Variants in SHROOM4 observed in about 807,000 individuals in gnomAD.
SHROOM4 encodes shroom family member 4, also known as protein Shroom4.
A neutral mutation model predicts 80.3 loss-of-function variants in SHROOM4; 17 were observed. The ratio of observed to expected loss-of-function variants is 0.21; its 90% confidence interval spans 0.14 to 0.32. SHROOM4 has a LOEUF of 0.32. Ranked by LOEUF, SHROOM4 falls within the 10% of genes least tolerant of loss-of-function variation. The pLI is 1.00. For missense variants in SHROOM4, 993 were observed against 1,140.3 expected (o/e 0.87, Z 1.86); for synonymous variants, 400 against 437.5 (o/e 0.91, Z 1.07).
chrX:50,628,367 T>C (rs188240553), intron 4 of SHROOM4, among the ~76,000 whole-genome samples: 5 of 111,575 alleles, frequency 4.5e-5, no homozygotes, highest in African/African-American at 1.6e-4. Flanking sequence ...TCTTTTTTTT[T>C]TCTAGGCCAA....
the SHROOM4 span, among the ~76,000 whole-genome samples, chrX:50,578,665 C>T: frequency 5.4e-5 from 6 of 111,448 alleles, no homozygotes; most frequent in Admixed American, 1.9e-4. Flanking sequence ...GTATTGAACC[C>T]CTGACCTCAA....
chrX:50,783,363 G>A (rs1401337703), intron 1 of SHROOM4, among the ~76,000 whole-genome samples: 1 of 111,461 alleles, frequency 9.0e-6, no homozygotes, highest in Non-Finnish European at 1.9e-5. Context: ...GATAAATTTG[G>A]CAAAAGATGT....
intron 1 of SHROOM4, among the ~76,000 whole-genome samples, chrX:50,773,354 C>T (rs1935437287): frequency 8.9e-6 from 1 of 111,897 alleles, no homozygotes; most frequent in Non-Finnish European, 1.9e-5. Flanking sequence ...TAGAATTCTC[C>T]ACTGTTCCCT....
intron 1 of SHROOM4, among the ~76,000 whole-genome samples, chrX:50,799,060 G>GATA (rs1557272361): frequency 1.8e-5 from 2 of 112,029 alleles, no homozygotes; most frequent in African/African-American, 6.5e-5. Flanking sequence ...CTGTCCCTTT[G>GATA]ATAACAACAG....
chrX:50,605,648 A>G (rs1557248377), intron 6 of SHROOM4, among the ~76,000 whole-genome samples: 2 of 112,336 alleles, frequency 1.8e-5, no homozygotes, highest in Non-Finnish European at 1.9e-5. Flanking sequence ...CTCCTGGCCT[A>G]TGGAAAGAAC....
At chrX:50,637,797 C>G (rs1325842926) in intron 3 of SHROOM4, among the ~76,000 whole-genome samples, 1 of 112,090 alleles carries the variant, frequency 8.9e-6, no homozygotes, top group African/African-American at 3.2e-5. Context: ...ACCAGTGAGT[C>G]GCCATTGACA....
chrX:50,759,306 T>C (rs1935100769), intron 1 of SHROOM4, among the ~76,000 whole-genome samples: 2 of 111,873 alleles, frequency 1.8e-5, no homozygotes, highest in Non-Finnish European at 1.9e-5. Context: ...GGTGAAAACA[T>C]ATTGAAAAGG....
At chrX:50,618,757 A>G (rs2147260731) in intron 5 of SHROOM4, among the ~76,000 whole-genome samples, 1 of 111,700 alleles carries the variant, frequency 9.0e-6, no homozygotes, top group African/African-American at 3.3e-5. Context: ...ATTAATCTTC[A>G]CAACAACCAT....
chrX:50,646,253 T>C (rs1931830357), intron 2 of SHROOM4, among the ~76,000 whole-genome samples: 1 of 111,609 alleles, frequency 9.0e-6, no homozygotes, highest in African/African-American at 3.3e-5. Context: ...CTGTGGCTCT[T>C]CCAGCCTCCC....
downstream of SHROOM4, among the ~76,000 whole-genome samples, chrX:50,586,250 AGTT>A (rs1377610490): frequency 1.8e-5 from 2 of 111,715 alleles, no homozygotes; most frequent in African/African-American, 6.5e-5. Flanking sequence ...TCAGGGAACA[AGTT>A]GTTATTTTTT....
chrX:50,777,822 G>A (rs1472851798), intron 1 of SHROOM4, among the ~76,000 whole-genome samples: 2 of 112,269 alleles, frequency 1.8e-5, no homozygotes, highest in Non-Finnish European at 3.8e-5. Context: ...TGTAAAATGG[G>A]TGTGAAAGTA....
At chrX:50,645,126 G>A (rs115400536) in intron 2 of SHROOM4, among the ~76,000 whole-genome samples, 3,006 of 111,316 alleles carry the variant, frequency 0.027, 102 homozygotes, top group African/African-American at 0.094. Context: ...TAATTACCTG[G>A]GGATCTTGTT....
chrX:50,700,674 G>T (rs1437060900), intron 1 of SHROOM4, among the ~76,000 whole-genome samples: 1 of 111,414 alleles, frequency 9.0e-6, no homozygotes, highest in East Asian at 2.8e-4. Context: ...TACCTAACTT[G>T]TCTCTTTCAG....
intron 1 of SHROOM4, among the ~76,000 whole-genome samples, chrX:50,809,590 T>C (rs1413303755): frequency 8.9e-6 from 1 of 112,163 alleles, no homozygotes; most frequent in Non-Finnish European, 1.9e-5. Context: ...TAAAATTATA[T>C]AGCAATATCA....
At chrX:50,620,389 A>G (rs531782425) in intron 5 of SHROOM4, among the ~76,000 whole-genome samples, 1 of 112,185 alleles carries the variant, frequency 8.9e-6, no homozygotes, top group African/African-American at 3.2e-5. Flanking sequence ...TTTTGTTCCA[A>G]GATGATGATA....
intron 2 of SHROOM4, among the ~76,000 whole-genome samples, chrX:50,670,938 C>T (rs7472398): frequency 2.7e-5 from 3 of 111,676 alleles, no homozygotes; most frequent in Non-Finnish European, 5.6e-5. Context: ...ATATCTTTCG[C>T]CCACTTTTTG....
intron 1 of SHROOM4, among the ~76,000 whole-genome samples, chrX:50,809,079 G>C (rs1936282502): frequency 9.0e-6 from 1 of 111,221 alleles, no homozygotes; most frequent in African/African-American, 3.3e-5. Flanking sequence ...CAGCAGGTGG[G>C]AAACTGAGGT....
At chrX:50,812,614 C>G (rs373593964) in intron 1 of SHROOM4, among the ~76,000 whole-genome samples, 1 of 111,166 alleles carries the variant, frequency 9.0e-6, no homozygotes, top group Admixed American at 9.5e-5. Context: ...GCCCCAAGGC[C>G]TGAAGGATCC....
chrX:50,751,040 T>A (rs1210214409), intron 1 of SHROOM4, among the ~76,000 whole-genome samples: 1 of 112,523 alleles, frequency 8.9e-6, no homozygotes, highest in Non-Finnish European at 1.9e-5. Flanking sequence ...AACTCAAGGT[T>A]TCATAAAGAC....
Sources: gnomAD v4.1 joint callset for allele counts (sites outside exome capture counted in the v4.1 genomes callset) on GRCh38, gnomAD v4.1.1 for gene constraint, MANE v1.5 for transcripts, NCBI Gene and HGNC (gene_info 2026-07-23, HGNC 2026-07-21) for gene names.